The following STRN4 variants were observed in gnomAD, a reference collection of about 807,000 sequenced individuals.
STRN4 encodes the protein striatin 4.
In STRN4, 27 loss-of-function variants were observed where a neutral mutation model predicts 77.9. The ratio of observed to expected loss-of-function variants is 0.35; its 90% CI spans 0.26 to 0.48. The LOEUF is 0.48. Ranked by LOEUF, STRN4 falls within the 20% of genes least tolerant of loss-of-function variation. The probability of loss-of-function intolerance (pLI) is 0.99; values close to 1 mark genes in which losing one functional copy is unlikely to be tolerated. For missense variants in STRN4, 798 were observed against 1,049.7 expected (o/e 0.76, Z 3.31); for synonymous variants, 466 against 443.1 (o/e 1.05, Z -0.65).
chr19:46,737,632 T>C (rs933207830), intron 3 of STRN4, among the ~76,000 whole-genome samples: 1 of 151,760 alleles, frequency 6.6e-6, no homozygotes, highest in African/African-American at 2.4e-5. Flanking sequence ...TCTGTATCTG[T>C]GCTCTCTCCC....
chr19:46,736,444 T>A (rs2054363579), intron 4 of STRN4: 1 of 154,042 alleles, frequency 6.5e-6, no homozygotes, highest in Non-Finnish European at 1.2e-5. Context: ...AAATAAAAAA[T>A]AATTTAATAT....
rs903636977 is a variant in STRN4 at position 46,720,185 on chromosome 19, G to T, written c.*220C>A. The T allele has an allele frequency of 6.2e-6, 1 of 161,198 alleles. No individual in the cohort carries two copies. The highest frequency in any genetic ancestry group is 1.3e-5 in the Non-Finnish European group (1 of 74,126). 10.0% of individuals were successfully genotyped at this position (161,198 alleles called of 1,614,324 possible). On this transcript the variant is annotated 3_prime_UTR_variant, in exon 18 of 18. Transcript: ENST00000263280. Reference sequence around the variant, plus strand: ...GGAAACCCCGAGGCCATCCTCGGGGGTGATTCCTGAAAGGGGCCCATCCCC... The same window carrying T: ...GGAAACCCCGAGGCCATCCTCGGGGTTGATTCCTGAAAGGGGCCCATCCCC...
At chr19:46,725,275 C>A in intron 11 of STRN4, 57 bp downstream of exon 11, 1 of 1,612,062 alleles carries the variant, frequency 6.2e-7, no homozygotes, top group South Asian at 1.1e-5. Context: ...GTGAGCAGGT[C>A]AGGAGTCAGG....
chr19:46,725,728 G>A (rs313844), intron 9 of STRN4, 80 bp from the exon 10 acceptor site: 2 of 1,529,518 alleles, frequency 1.3e-6, no homozygotes, highest in Non-Finnish European at 1.8e-6. Context: ...GGGCTTGAGG[G>A]CCCCTGTCTT....
In STRN4 at chr19:46,725,321, C is replaced by T. The variant is rs1184387202; in HGVS notation, c.1472+11G>A. 1.3e-5 allele frequency: 21 copies of T among 1,614,046 alleles called. 1 individual carries two copies. Among genetic ancestry groups the T allele is most frequent in the South Asian group, 2.2e-5 (2 of 91,094 alleles). The stretch of plus-strand genomic sequence containing the variant: ...GACGAGTTTCTAGCAGGCTCAGGGG[C>T]ACCTCCCTACCTGTGAGCCCGGAAA... On this transcript the variant is annotated intron_variant, in intron 11 of 17. Coordinates refer to ENST00000263280, the MANE Select transcript of STRN4 (RefSeq NM_013403.3).
rs141970244 is a variant in STRN4, at chr19:46,723,202, C to T, written c.1677G>A (p.Leu559=). 2 of 1,555,972 alleles carry T rather than the reference C, an allele frequency of 1.3e-6. No individual in the cohort carries two copies. Among genetic ancestry groups the T allele is most frequent in the African/African-American group, 1.4e-5 (1 of 73,232 alleles). ...CGGTGCCATCAGCAGAACAGGAGGC[C>T]AGGCGCTGGGAGGTGGGACTGAAGG... ...GLAFSPTSQR[L]ASCSADGTVR... is the part of the protein sequence containing the mutation. Residue 559 remains leucine (L), a synonymous_variant, in exon 13 of 18, where the codon CTG becomes CTA. Coordinates refer to ENST00000263280, the MANE Select transcript of STRN4 (RefSeq NM_013403.3). The surrounding 1 kb of genome is among the most constrained non-coding windows in gnomAD (Gnocchi z 5.5).
intron 1 of STRN4, chr19:46,739,251 C>T (rs769482048): frequency 9.9e-6 from 3 of 301,882 alleles, no homozygotes; most frequent in Non-Finnish European, 2.0e-5. Flanking sequence ...ACCCCTGACG[C>T]CCTCTGGCAG....
In STRN4 at chr19:46,720,698, C is replaced by A; in HGVS notation, c.2166G>T (p.Lys722Asn). The A allele has an allele frequency of 6.2e-7, 1 of 1,611,162 alleles. No homozygotes were observed. The highest frequency in any genetic ancestry group is 8.5e-7 in the Non-Finnish European group (1 of 1,178,470). The change falls in exon 17 of 18, where the codon AAG (lysine) becomes AAT (asparagine). Residue 722 changes from lysine (K) to asparagine (N), a missense_variant. Physicochemically the swap from Lys to Asn is moderately conservative, Grantham distance 94. Coordinates refer to ENST00000263280, the MANE Select transcript of STRN4 (RefSeq NM_013403.3). ...TCVQEITAHRKKHEEAIHAVA... is the reference protein window; with the variant it reads ...TCVQEITAHRNKHEEAIHAVA... ...CAGCGTGGATGGCCTCCTCGTGCTT[C>A]TTGCGGTGGGCCGTGATCTCCTGCA...
chr19:46,723,838 C>G lies in STRN4; in HGVS notation c.1595-554G>C, dbSNP rs1270600022. Among the ~76,000 whole-genome samples, 1 of 152,150 alleles carries G rather than the reference C, an allele frequency of 6.6e-6. No individual in the cohort carries two copies. Among genetic ancestry groups the G allele is most frequent in the Non-Finnish European group, 1.5e-5 (1 of 68,034 alleles). ...AGTGTGGTGGCTAATGTAGCTGGGA[C>G]CGATCCTGACCTTGTGCAGGTGAGC... is the stretch of plus-strand genomic sequence containing the variant. On this transcript the variant is annotated intron_variant, in intron 12 of 17. Transcript: ENST00000263280. The surrounding 1 kb of genome is among the most constrained non-coding windows in gnomAD (Gnocchi z 5.5).
chr19:46,730,595 C>A, intron 6 of STRN4, 137 bp downstream of exon 6: 1 of 1,360,032 alleles, frequency 7.4e-7, no homozygotes, highest in Non-Finnish European at 1.0e-6. Flanking sequence ...ACAAGCTCCT[C>A]CAGGCCAGGG....
intron 6 of STRN4, among the ~76,000 whole-genome samples, chr19:46,730,346 G>A (rs1005143756): frequency 1.3e-5 from 2 of 152,202 alleles, no homozygotes; most frequent in Non-Finnish European, 2.9e-5. Flanking sequence ...AGTGGCCAGG[G>A]CCAGGGAAGG....
At chr19:46,735,722 T>C (rs901326303) in intron 4 of STRN4, among the ~76,000 whole-genome samples, 24 of 152,200 alleles carry the variant, frequency 1.6e-4, no homozygotes, top group African/African-American at 5.8e-4. Flanking sequence ...CCCAGCACTT[T>C]GGGAGGCCAA....
intron 1 of STRN4, among the ~76,000 whole-genome samples, chr19:46,743,758 G>C (rs528660131): frequency 6.6e-6 from 1 of 152,038 alleles, no homozygotes; most frequent in Admixed American, 6.6e-5. Context: ...AAATCAGCCA[G>C]GCGTGGTGGT....
intron 6 of STRN4, among the ~76,000 whole-genome samples, chr19:46,730,393 G>A (rs1341293827): frequency 6.7e-6 from 1 of 150,144 alleles, no homozygotes; most frequent in Non-Finnish European, 1.5e-5. Flanking sequence ...TCCTGGAGGA[G>A]GGGGTGTCTG....
At chr19:46,734,454 T>C (rs969636633) in intron 4 of STRN4, among the ~76,000 whole-genome samples, 5 of 152,176 alleles carry the variant, frequency 3.3e-5, no homozygotes, top group Non-Finnish European at 4.4e-5. Flanking sequence ...TATGCACAAA[T>C]ACCTTCCTGA....
chr19:46,728,830 A>C, intron 6 of STRN4, 53 bp from the exon 7 acceptor site: 1 of 1,600,388 alleles, frequency 6.2e-7, no homozygotes, highest in Non-Finnish European at 8.5e-7. Context: ...CCAGAGACTA[A>C]GCCACCTCCG....
chr19:46,725,009 G>T, intron 11 of STRN4, 81 bp from the exon 12 acceptor site: 1 of 1,589,668 alleles, frequency 6.3e-7, no homozygotes, highest in East Asian at 2.2e-5. Flanking sequence ...TTCCCTACTA[G>T]CATTCTTCAA....
chr19:46,731,031 C>A, intron 5 of STRN4, 158 bp from the exon 6 acceptor site: 1 of 965,870 alleles, frequency 1.0e-6, no homozygotes, highest in Non-Finnish European at 1.5e-6. Flanking sequence ...AGCCCCAACC[C>A]CAGCCTCTGC....
At chr19:46,727,764 T>C (rs2054154035) in intron 8 of STRN4, 130 bp downstream of exon 8, 2 of 886,352 alleles carry the variant, frequency 2.3e-6, no homozygotes, top group Non-Finnish European at 3.4e-6. Context: ...AGACGAACTT[T>C]TGGGGCAGGG....
Sources: allele counts gnomAD v4.1 joint callset (sites outside exome capture counted in the v4.1 genomes callset), GRCh38; gene constraint gnomAD v4.1.1; non-coding constraint Gnocchi (gnomAD v3.1); transcripts MANE v1.5; gene names NCBI Gene and HGNC (gene_info 2026-07-23, HGNC 2026-07-21).